CRYBG3: variants seen among roughly 807,000 people sequenced by gnomAD.
CRYBG3 encodes the protein very large A-kinase anchor protein.
CRYBG3 carries 127 observed loss-of-function variants against 244.2 expected under a neutral mutation model. The observed-to-expected ratio is 0.52, with a 90% CI of 0.45 to 0.60. CRYBG3 has a LOEUF of 0.60. Among genes scored for constraint, CRYBG3 ranks in the 20% least tolerant of loss-of-function variants. The pLI is 0.00. For synonymous variants in CRYBG3, 1,132 were observed against 1,195.8 expected (o/e 0.95, Z 1.10); for missense variants, 3,325 against 3,442.5 (o/e 0.97, Z 0.85).
chr3:97,904,754 A>G (rs2039748044), intron 15 of CRYBG3, among the ~76,000 whole-genome samples: 2 of 131,586 alleles, frequency 1.5e-5, no homozygotes. Context: ...TATTATTATT[A>G]TACTTTAAGT....
intron 15 of CRYBG3, among the ~76,000 whole-genome samples, chr3:97,908,304 T>C (rs927686886): frequency 6.6e-6 from 1 of 152,220 alleles, no homozygotes; most frequent in African/African-American, 2.4e-5. Context: ...GGTATCCTTG[T>C]TGACTTTCAG....
At chr3:97,894,997 A>G (rs968113673) in intron 11 of CRYBG3, among the ~76,000 whole-genome samples, 1 of 152,172 alleles carries the variant, frequency 6.6e-6, no homozygotes, top group Non-Finnish European at 1.5e-5. Flanking sequence ...ATTATTTGGA[A>G]TACTTTCTGT....
At position 97,886,734 on chromosome 3, in the gene CRYBG3, C is replaced by T; in HGVS notation, c.7256C>T (p.Ser2419Phe). Residue 2419 changes from serine (S) to phenylalanine (F), a missense_variant, in exon 8 of 22, where the codon TCC becomes TTC. Coordinates refer to ENST00000389622, the MANE Select transcript of CRYBG3 (RefSeq NM_153605.4). ...AVPNLEELNI[S>F]KSVSFTVKSG... is the part of the protein sequence containing the mutation. The stretch of plus-strand genomic sequence containing the variant: ...CCCAATTTGGAAGAACTGAATATCT[C>T]CAAATCTGTGTCCTTCACTGTGAAG... 6.2e-7 allele frequency: 1 copy of T among 1,611,232 alleles called. No homozygotes were observed. The highest frequency in any genetic ancestry group is 8.5e-7 in the Non-Finnish European group (1 of 1,178,916).
chr3:97,937,371 T>C (rs1259469495), intron 19 of CRYBG3, among the ~76,000 whole-genome samples: 1 of 152,106 alleles, frequency 6.6e-6, no homozygotes, highest in Non-Finnish European at 1.5e-5. Context: ...ATCTACCCGC[T>C]ACCCCACCTT....
At position 97,864,509 on chromosome 3, in the gene CRYBG3, A is replaced by T; in HGVS notation, c.509A>T (p.Glu170Val). 1 of 1,535,820 alleles carries T rather than the reference A, an allele frequency of 6.5e-7. No individual in the cohort carries two copies. Among genetic ancestry groups the T allele is most frequent in the South Asian group, 1.2e-5 (1 of 84,056 alleles). ...CATCATGAAGACGGGATCAAAAGGGAGAGAGAGATTTTCAGTGGCTCCCTA... is the reference window on the plus strand; with the variant it reads ...CATCATGAAGACGGGATCAAAAGGGTGAGAGAGATTTTCAGTGGCTCCCTA... ...SDHHEDGIKR[E>V]REIFSGSLRT... The change falls in exon 3 of 22, where the codon GAG (glutamate) becomes GTG (valine). Residue 170 changes from glutamate to valine, a missense_variant. Glu to Val is a moderately radical substitution (Grantham distance 121). Transcript: ENST00000389622.
At position 97,944,841 on chromosome 3, in the gene CRYBG3, G is replaced by T. The variant is rs2040316397; in HGVS notation, c.*1527G>T. 1 of 167,784 alleles carries T rather than the reference G, an allele frequency of 6.0e-6. No homozygotes were observed. Among genetic ancestry groups the T allele is most frequent in the Admixed American group, 6.4e-5 (1 of 15,748 alleles). 10.4% of individuals were successfully genotyped at this position (167,784 alleles called of 1,614,324 possible). On this transcript the variant is annotated 3_prime_UTR_variant, in exon 22 of 22. Coordinates refer to ENST00000389622, the MANE Select transcript of CRYBG3 (RefSeq NM_153605.4). ...TGTTTGAAATTTTTCTAGAGCCAAA[G>T]AAGCTCTTTAAAGAAGTTGTTTCTT...
intron 10 of CRYBG3, among the ~76,000 whole-genome samples, chr3:97,891,303 C>T (rs2039572866): frequency 6.6e-6 from 1 of 152,042 alleles, no homozygotes; most frequent in Admixed American, 6.6e-5. Context: ...GAGATGATCC[C>T]AGTATTTGGG....
intron 12 of CRYBG3, among the ~76,000 whole-genome samples, chr3:97,896,659 C>G (rs1474801149): frequency 6.6e-6 from 1 of 152,212 alleles, no homozygotes; most frequent in Non-Finnish European, 1.5e-5. Flanking sequence ...TGATTCTCAG[C>G]TGGGGGTGAT....
chr3:97,883,085 T>C (rs776227368), intron 7 of CRYBG3, among the ~76,000 whole-genome samples: 7 of 151,916 alleles, frequency 4.6e-5, no homozygotes, highest in Non-Finnish European at 5.9e-5. Flanking sequence ...CTGGAGGAGG[T>C]GGCACCTGTT....
intron 1 of CRYBG3, among the ~76,000 whole-genome samples, chr3:97,841,236 G>A (rs1016200411): frequency 6.8e-6 from 1 of 147,710 alleles, no homozygotes; most frequent in Non-Finnish European, 1.5e-5. Context: ...ATATATGTGT[G>A]TATATACATA....
In CRYBG3 at chr3:97,875,067, T is replaced by A. The variant is rs1318544571; in HGVS notation, c.3873T>A (p.Asp1291Glu). The A allele has an allele frequency of 2.6e-6, 4 of 1,534,332 alleles. No individual in the cohort carries two copies. The South Asian group carries it at 4.8e-5, about 18-fold the overall frequency. ...PTVGEKNLLV[D>E]PNSMNVSCLL... ...TTGGTGAGAAGAATCTTCTTGTTGA[T>A]CCTAATAGTATGAATGTATCTTGTT... Residue 1291 changes from aspartate to glutamate, a missense_variant, in exon 4 of 22, where the codon GAT becomes GAA. By Grantham distance (45) the Asp-to-Glu change is conservative. This residue lies in a region of CRYBG3 where 635 missense variants were observed against 771.7 expected (regional missense o/e 0.82). Coordinates refer to ENST00000389622, the MANE Select transcript of CRYBG3 (RefSeq NM_153605.4).
chr3:97,859,666 C>T (rs1168263083), intron 2 of CRYBG3, among the ~76,000 whole-genome samples: 1 of 152,152 alleles, frequency 6.6e-6, no homozygotes, highest in Non-Finnish European at 1.5e-5. Context: ...TTCAAATTCT[C>T]TAAATTTTGA....
In CRYBG3 at chr3:97,872,254, T is replaced by A; in HGVS notation, c.1060T>A (p.Ser354Thr). 6.5e-7 allele frequency: 1 copy of A among 1,535,882 alleles called. No individual in the cohort carries two copies. The highest frequency in any genetic ancestry group is 8.7e-7 in the Non-Finnish European group (1 of 1,146,750). Reference sequence around the variant, plus strand: ...GTCATCCCCTTCTTCTGTGACTAACTCCAGCTACGATGGAGAATCTGACTC... The same window carrying A: ...GTCATCCCCTTCTTCTGTGACTAACACCAGCTACGATGGAGAATCTGACTC... Reference protein sequence around the residue: ...NRSSPSSVTNSSYDGESDSQH... With the variant: ...NRSSPSSVTNTSYDGESDSQH... The change falls in exon 4 of 22, where the codon TCC becomes ACC. Residue 354 changes from serine to threonine, a missense_variant. Ser to Thr is a moderately conservative substitution (Grantham distance 58). Coordinates refer to ENST00000389622, the MANE Select transcript of CRYBG3 (RefSeq NM_153605.4).
intron 1 of CRYBG3, among the ~76,000 whole-genome samples, chr3:97,833,735 A>T (rs1263203763): frequency 6.6e-6 from 1 of 152,132 alleles, no homozygotes; most frequent in East Asian, 1.9e-4. Context: ...AAAAATTGCT[A>T]AAAGATTACA....
chr3:97,898,345 G>T (rs2039663376), intron 12 of CRYBG3, among the ~76,000 whole-genome samples: 2 of 151,682 alleles, frequency 1.3e-5, no homozygotes, highest in South Asian at 4.2e-4. Context: ...TTTGTCTTTT[G>T]CCGGTTTATC....
chr3:97,942,434 G>A lies in CRYBG3; in HGVS notation c.8815G>A (p.Asp2939Asn). The change falls in exon 21 of 22, where the codon GAT (aspartate) becomes AAT (asparagine). Residue 2939 changes from aspartate (D) to asparagine (N), a missense_variant. Asp to Asn is a conservative substitution (Grantham distance 23). Coordinates refer to ENST00000389622, the MANE Select transcript of CRYBG3 (RefSeq NM_153605.4). Reference sequence around the variant, plus strand: ...TTATCTCAGTGATCAACTTGTCCTTGATGTTAAAGGTGGGCCTTTGATGAT... The same window carrying A: ...TTATCTCAGTGATCAACTTGTCCTTAATGTTAAAGGTGGGCCTTTGATGAT... Reference protein sequence around the residue: ...SSYLSDQLVLDVKGGNYCDKT... With the variant: ...SSYLSDQLVLNVKGGNYCDKT... 3 of 1,609,416 alleles carry A rather than the reference G, an allele frequency of 1.9e-6. No homozygotes were observed. The highest frequency in any genetic ancestry group is 2.2e-5 in the East Asian group (1 of 44,792).
chr3:97,896,219 G>T, intron 12 of CRYBG3, 134 bp downstream of exon 12: 1 of 713,822 alleles, frequency 1.4e-6, no homozygotes, highest in Non-Finnish European at 2.1e-6. Flanking sequence ...AACTGCTTAT[G>T]CAACTTGCCT....
intron 15 of CRYBG3, 47 bp downstream of exon 15, chr3:97,900,532 C>A (rs763111702): frequency 2.7e-6 from 3 of 1,113,414 alleles, no homozygotes; most frequent in Non-Finnish European, 4.0e-6. Flanking sequence ...TTACTAAAAG[C>A]ATTTATACCC....
At position 97,872,511 on chromosome 3, in the gene CRYBG3, T is replaced by C; in HGVS notation, c.1317T>C (p.Cys439=). The part of the protein sequence containing the change: ...PQGPAISDFS[C]SKSDGSDTTE... ...GCCCTGCTATTTCTGATTTCTCTTG[T>C]AGTAAATCTGATGGGAGTGACACTA... Residue 439 remains cysteine, a synonymous_variant, in exon 4 of 22, where the codon TGT becomes TGC. Transcript: ENST00000389622. 3 of 1,535,916 alleles carry C rather than the reference T, an allele frequency of 2.0e-6. No homozygotes were observed. Among genetic ancestry groups the C allele is most frequent in the Non-Finnish European group, 2.6e-6 (3 of 1,146,776 alleles).
Sources: gnomAD v4.1 joint callset for allele counts (sites outside exome capture counted in the v4.1 genomes callset) on GRCh38, gnomAD v4.1.1 for gene constraint, gnomAD v4.1.1 regional missense constraint, MANE v1.5 for transcripts, NCBI Gene and HGNC (gene_info 2026-07-23, HGNC 2026-07-21) for gene names.